Variants in GRAMD1C observed in about 807,000 individuals in gnomAD.
The protein encoded by GRAMD1C is GRAM domain containing 1C.
A neutral mutation model predicts 97.8 loss-of-function variants in GRAMD1C; 89 were observed. The observed-to-expected ratio is 0.91, with a 90% confidence interval of 0.77 to 1.09. The LOEUF (loss-of-function observed/expected upper bound fraction) is 1.09. Ranked by LOEUF, GRAMD1C falls within the 50% of genes least tolerant of loss-of-function variation. The probability of loss-of-function intolerance (pLI) is 0.00; values close to 1 mark genes in which losing one functional copy is unlikely to be tolerated. For missense variants in GRAMD1C, 740 were observed against 766.4 expected (o/e 0.97, Z 0.41); for synonymous variants, 256 against 267.0 (o/e 0.96, Z 0.40).
At chr3:113,861,624 A>G (rs1934378039) in intron 2 of GRAMD1C, among the ~76,000 whole-genome samples, 1 of 152,218 alleles carries the variant, frequency 6.6e-6, no homozygotes, top group African/African-American at 2.4e-5. Flanking sequence ...AGGGACTTGT[A>G]CTAGAATGTG....
At chr3:113,885,028 G>C (rs1372602844) in intron 6 of GRAMD1C, among the ~76,000 whole-genome samples, 3 of 147,582 alleles carry the variant, frequency 2.0e-5, no homozygotes, top group South Asian at 4.4e-4. Flanking sequence ...GACCTGTCTC[G>C]GCCCGCAACT....
At chr3:113,911,948 T>G (rs6801687) in intron 9 of GRAMD1C, among the ~76,000 whole-genome samples, 27 of 151,894 alleles carry the variant, frequency 1.8e-4, no homozygotes, top group Non-Finnish European at 4.0e-4. Context: ...AGGATGGTCT[T>G]GATCTCCTGA....
chr3:113,850,656 C>T (rs965523093), intron 2 of GRAMD1C: 200 of 1,605,208 alleles, frequency 1.2e-4, no homozygotes, highest in Non-Finnish European at 1.6e-4. Context: ...ATGTGGACGT[C>T]CTTCTTGGCC....
chr3:113,919,292 G>GA, intron 10 of GRAMD1C: 2 of 468,086 alleles, frequency 4.3e-6, no homozygotes, highest in Admixed American at 2.5e-5. Flanking sequence ...GAGAAGCCAG[G>GA]AAAATGACAG....
chr3:113,847,069 A>AT lies in GRAMD1C; in HGVS notation c.174+2426dup, dbSNP rs1285114655. On this transcript the variant is annotated intron_variant, in intron 2 of 17. Coordinates refer to ENST00000358160, the MANE Select transcript of GRAMD1C (RefSeq NM_017577.5). ...TTGGTGTTTCTTTATTTTTTGCTAT[A>AT]TTTTTTATAAGCTTAAATAAACTGA... Among the ~76,000 whole-genome samples the AT allele has an allele frequency of 4.6e-5, 7 of 152,244 alleles. No individual in the cohort carries two copies. In the South Asian group the frequency reaches 1.4e-3, roughly 32 times the overall value.
chr3:113,884,830 C>G (rs1205288214), intron 6 of GRAMD1C, among the ~76,000 whole-genome samples: 1 of 150,752 alleles, frequency 6.6e-6, no homozygotes, highest in Non-Finnish European at 1.5e-5. Flanking sequence ...CAGTGAGACT[C>G]TGTCTCAAAA....
intron 6 of GRAMD1C, among the ~76,000 whole-genome samples, chr3:113,899,296 T>A (rs1936055430): frequency 6.6e-6 from 1 of 152,212 alleles, no homozygotes; most frequent in African/African-American, 2.4e-5. Context: ...TTATCTCAGC[T>A]GAAAACACTT....
chr3:113,946,047 T>G lies in GRAMD1C; in HGVS notation c.*569T>G, dbSNP rs2107394128. 1 of 152,496 alleles carries G rather than the reference T, an allele frequency of 6.6e-6. No homozygotes were observed. Among genetic ancestry groups the G allele is most frequent in the East Asian group, 1.9e-4 (1 of 5,186 alleles). 9.4% of individuals were successfully genotyped at this position (152,496 alleles called of 1,614,324 possible). Reference sequence around the variant, plus strand: ...ACTTTTTGAATCTGCATGTTGATGATGATTATCAGAAAGGGTCTTCTGCCA... The same window carrying G: ...ACTTTTTGAATCTGCATGTTGATGAGGATTATCAGAAAGGGTCTTCTGCCA... On this transcript the variant is annotated 3_prime_UTR_variant, in exon 18 of 18. Coordinates refer to ENST00000358160, the MANE Select transcript of GRAMD1C (RefSeq NM_017577.5).
intron 10 of GRAMD1C, chr3:113,919,434 T>A: frequency 1.9e-6 from 1 of 514,646 alleles, no homozygotes; most frequent in Non-Finnish European, 4.0e-6. Flanking sequence ...AGAATTGAAT[T>A]TATAGGTCAA....
chr3:113,901,197 C>T, intron 7 of GRAMD1C, 51 bp downstream of exon 7: 1 of 946,044 alleles, frequency 1.1e-6, no homozygotes, highest in Non-Finnish European at 1.7e-6. Context: ...TTAATCAAAG[C>T]AGAATTATTT....
chr3:113,867,453 C>T lies in GRAMD1C; in HGVS notation c.175-2054C>T, dbSNP rs531424722. 1.6e-3 allele frequency among the ~76,000 whole-genome samples: 242 copies of T among 151,930 alleles called. 3 individuals are homozygous for T. The highest frequency in any genetic ancestry group is 5.5e-3 in the African/African-American group (227 of 41,444). On this transcript the variant is annotated intron_variant, in intron 2 of 17. Coordinates refer to ENST00000358160, the MANE Select transcript of GRAMD1C (RefSeq NM_017577.5). Reference sequence around the variant, plus strand: ...GATCACAGGCATGCACCACCACACCCGGCTAATTTTTGTATTTTAGTAGAG... The same window carrying T: ...GATCACAGGCATGCACCACCACACCTGGCTAATTTTTGTATTTTAGTAGAG...
At chr3:113,935,182 A>T (rs1937553261) in intron 13 of GRAMD1C, among the ~76,000 whole-genome samples, 1 of 152,224 alleles carries the variant, frequency 6.6e-6, no homozygotes, top group South Asian at 2.1e-4. Flanking sequence ...GAAAATTGAA[A>T]CACAGAGAGG....
chr3:113,890,933 A>G (rs1258342700), intron 6 of GRAMD1C: 2 of 517,700 alleles, frequency 3.9e-6, no homozygotes, highest in African/African-American at 1.9e-5. Flanking sequence ...CACCATAGCC[A>G]AGAAACACTG....
chr3:113,850,032 C>A (rs534907417), intron 2 of GRAMD1C, among the ~76,000 whole-genome samples: 563 of 148,200 alleles, frequency 3.8e-3, no homozygotes, highest in Non-Finnish European at 5.8e-3. Flanking sequence ...TGACCCCCCA[C>A]CTCCCTCCCG....
intron 2 of GRAMD1C, among the ~76,000 whole-genome samples, chr3:113,856,517 A>C (rs1934133561): frequency 7.3e-6 from 1 of 137,832 alleles, no homozygotes; most frequent in Non-Finnish European, 1.6e-5. Flanking sequence ...AGATTTATTT[A>C]TTTCTTTATG....
chr3:113,887,352 A>C, intron 6 of GRAMD1C, among the ~76,000 whole-genome samples: 1 of 150,950 alleles, frequency 6.6e-6, no homozygotes, highest in Non-Finnish European at 1.5e-5. Context: ...TTGGCCTCCC[A>C]AAGTGCCGGG....
chr3:113,870,227 G>A lies in GRAMD1C; in HGVS notation c.259+636G>A, dbSNP rs192787742. ...AAAAAAAAAAAATTAGCCAGGTGTGGTGGTATGTGCCTGCAGTCCCAGCTG... is the reference window on the plus strand; with the variant it reads ...AAAAAAAAAAAATTAGCCAGGTGTGATGGTATGTGCCTGCAGTCCCAGCTG... On this transcript the variant is annotated intron_variant, in intron 3 of 17. Transcript: ENST00000358160. 3.1e-3 allele frequency among the ~76,000 whole-genome samples: 475 copies of A among 152,122 alleles called. 10 individuals are homozygous for A. Among genetic ancestry groups the A allele is most frequent in the Admixed American group, 0.026 (391 of 15,258 alleles).
chr3:113,877,179 A>G, intron 5 of GRAMD1C, among the ~76,000 whole-genome samples: 1 of 152,158 alleles, frequency 6.6e-6, no homozygotes, highest in Non-Finnish European at 1.5e-5. Flanking sequence ...ATCCCTATAG[A>G]ACACTTGCAA....
chr3:113,886,305 A>C (rs1205365354), intron 6 of GRAMD1C, among the ~76,000 whole-genome samples: 1 of 152,234 alleles, frequency 6.6e-6, no homozygotes, highest in East Asian at 1.9e-4. Context: ...AGGGGAGCCG[A>C]ATCAGTGTTT....
Sources: allele counts gnomAD v4.1 joint callset (sites outside exome capture counted in the v4.1 genomes callset), GRCh38; gene constraint gnomAD v4.1.1; transcripts MANE v1.5; gene names NCBI Gene and HGNC (gene_info 2026-07-23, HGNC 2026-07-21).